The following MATCAP1 variants were observed in gnomAD, a reference collection of about 807,000 sequenced individuals.
MATCAP1 encodes the protein microtubule-associated tyrosine carboxypeptidase 1.
chr16:67,179,957 G>A, the MATCAP1 span: 1 of 1,614,200 alleles, frequency 6.2e-7, no homozygotes, highest in South Asian at 1.1e-5. The surrounding 1 kb of genome is among the most constrained non-coding windows in gnomAD (Gnocchi z 5.2). Flanking sequence ...GATGCCAACT[G>A]CCTGTACACG....
the MATCAP1 span, chr16:67,178,490 G>A: frequency 3.3e-6 from 5 of 1,528,264 alleles, no homozygotes; most frequent in Non-Finnish European, 4.4e-6. Flanking sequence ...TTCACGCCCC[G>A]CAGGTAGTGG....
At chr16:67,177,457 C>T in the MATCAP1 span, among the ~76,000 whole-genome samples, 4 of 152,166 alleles carry the variant, frequency 2.6e-5, no homozygotes, top group African/African-American at 9.7e-5. Context: ...CCAGCTTGTC[C>T]CTTCATCTCC....
the MATCAP1 span, chr16:67,183,515 G>A: frequency 2.0e-5 from 3 of 152,246 alleles, no homozygotes; most frequent in Non-Finnish European, 4.4e-5. Flanking sequence ...AGGCAGGAAT[G>A]GGGTCTGATT....
At chr16:67,178,924 A>C in the MATCAP1 span, 1 of 424,422 alleles carries the variant, frequency 2.4e-6, no homozygotes, top group African/African-American at 2.1e-5. Context: ...TGCCCAGAGC[A>C]ACAGGATTCT....
At chr16:67,177,877 C>T in the MATCAP1 span, 1 of 737,420 alleles carries the variant, frequency 1.4e-6, no homozygotes, top group African/African-American at 1.8e-5. Flanking sequence ...CCTGTTCTCA[C>T]TTCCACCCAC....
chr16:67,183,390 C>T, the MATCAP1 span: 1 of 152,266 alleles, frequency 6.6e-6, no homozygotes, highest in Non-Finnish European at 1.5e-5. Flanking sequence ...GCCTCACTTC[C>T]TCCAGGAAGC....
At chr16:67,180,654 A>C in the MATCAP1 span, 1 of 1,398,850 alleles carries the variant, frequency 7.1e-7, no homozygotes, top group Non-Finnish European at 9.6e-7. Context: ...CCAACTCCCC[A>C]CACTGTCGAC....
the MATCAP1 span, among the ~76,000 whole-genome samples, chr16:67,181,952 A>G: frequency 2.8e-4 from 42 of 152,338 alleles, no homozygotes; most frequent in Non-Finnish European, 5.1e-4. Flanking sequence ...CGATACAGTT[A>G]ATCACTACCT....
the MATCAP1 span, chr16:67,180,478 G>C: frequency 3.7e-6 from 6 of 1,603,412 alleles, no homozygotes; most frequent in South Asian, 5.6e-5. Context: ...GGCAAGGCCA[G>C]GGACTGAGAC....
the MATCAP1 span, among the ~76,000 whole-genome samples, chr16:67,181,027 G>A: frequency 2.5e-4 from 38 of 152,238 alleles, 2 homozygotes; most frequent in South Asian, 4.6e-3. Context: ...GCACCCAGCC[G>A]AAAGCAAGAG....
At chr16:67,179,672 C>T in the MATCAP1 span, 2 of 1,464,582 alleles carry the variant, frequency 1.4e-6, no homozygotes, top group Non-Finnish European at 1.9e-6. This position sits in a 1 kb window ranked among gnomAD's most constrained non-coding sequence, Gnocchi z 5.2. Context: ...GGGCACCCAC[C>T]CTTCATCACC....
chr16:67,178,476 G>A, the MATCAP1 span: 2 of 1,531,360 alleles, frequency 1.3e-6, no homozygotes, highest in Non-Finnish European at 8.7e-7. Flanking sequence ...GCTGGCGCGC[G>A]TTGTTCACGC....
chr16:67,179,665 C>T, the MATCAP1 span: 2 of 1,463,576 alleles, frequency 1.4e-6, no homozygotes, highest in African/African-American at 2.8e-5. This position sits in a 1 kb window ranked among gnomAD's most constrained non-coding sequence, Gnocchi z 5.2. Context: ...TTGGCCAGGG[C>T]ACCCACCCTT....
the MATCAP1 span, chr16:67,178,225 C>A: frequency 6.5e-7 from 1 of 1,544,094 alleles, no homozygotes; most frequent in African/African-American, 1.4e-5. Flanking sequence ...GGTCTGGCCG[C>A]GCTTGGCGCG....
At chr16:67,179,370 C>A in the MATCAP1 span, 1 of 1,544,770 alleles carries the variant, frequency 6.5e-7, no homozygotes, top group South Asian at 1.2e-5. The surrounding 1 kb of genome is among the most constrained non-coding windows in gnomAD (Gnocchi z 5.2). Context: ...CCTTCCCACC[C>A]CTCCCAGCTC....
chr16:67,180,849 G>T, the MATCAP1 span, among the ~76,000 whole-genome samples: 1 of 152,186 alleles, frequency 6.6e-6, no homozygotes, highest in East Asian at 1.9e-4. Flanking sequence ...TGGGCCGGAA[G>T]AAAGCACTTT....
the MATCAP1 span, chr16:67,180,484 G>C: frequency 6.2e-7 from 1 of 1,600,536 alleles, no homozygotes; most frequent in Non-Finnish European, 8.5e-7. Context: ...GCCAGGGACT[G>C]AGACCAGGGG....
the MATCAP1 span, chr16:67,178,230 G>C: frequency 6.5e-7 from 1 of 1,545,126 alleles, no homozygotes; most frequent in East Asian, 2.4e-5. Context: ...GGCCGCGCTT[G>C]GCGCGCACGC....
chr16:67,179,040 A>G, the MATCAP1 span: 1 of 1,083,746 alleles, frequency 9.2e-7, no homozygotes, highest in African/African-American at 1.7e-5. The surrounding 1 kb of genome is among the most constrained non-coding windows in gnomAD (Gnocchi z 5.2). Flanking sequence ...CCTCAAGTCA[A>G]GTCCATTCCC....
Sources: allele counts gnomAD v4.1 joint callset (sites outside exome capture counted in the v4.1 genomes callset), GRCh38; gene constraint gnomAD v4.1.1; non-coding constraint Gnocchi (gnomAD v3.1); transcripts MANE v1.5; gene names NCBI Gene and HGNC (gene_info 2026-07-23, HGNC 2026-07-21).